The following DMD variants were observed in gnomAD, a reference collection of about 807,000 sequenced individuals.
The protein encoded by DMD is mutant dystrophin.
A neutral mutation model predicts 330.1 loss-of-function variants in DMD; 63 were observed. The observed-to-expected ratio is 0.19, with a 90% confidence interval of 0.16 to 0.24. The LOEUF (loss-of-function observed/expected upper bound fraction) is 0.24, where lower values mean the gene tolerates loss of function less well. DMD is among the 10% of genes least tolerant of loss of function. The probability of loss-of-function intolerance (pLI) is 1.00; values close to 1 mark genes in which losing one functional copy is unlikely to be tolerated. For missense variants in DMD, 3,344 were observed against 2,684.1 expected, an observed-to-expected ratio of 1.25 and a Z score of -5.43; for synonymous variants, 1,223 against 959.8, an observed-to-expected ratio of 1.27 and a Z score of -5.07.
chrX:32,926,394 C>A (rs984135517), intron 2 of DMD, among the ~76,000 whole-genome samples: 12 of 111,872 alleles, frequency 1.1e-4, no homozygotes, highest in African/African-American at 3.9e-4. Flanking sequence ...CATGTTGATT[C>A]TACAGGTGGT....
At chrX:32,547,865 C>G (rs2049132611) in intron 16 of DMD, among the ~76,000 whole-genome samples, 1 of 111,199 alleles carries the variant, frequency 9.0e-6, no homozygotes, top group African/African-American at 3.3e-5. Flanking sequence ...AGGAATCCTG[C>G]CTGATTAAGA....
intron 52 of DMD, among the ~76,000 whole-genome samples, chrX:31,711,552 T>A (rs182618674): frequency 1.8e-5 from 2 of 111,697 alleles, no homozygotes; most frequent in Non-Finnish European, 1.9e-5. Context: ...CATTCCATTA[T>A]CTTAAAATCA....
At chrX:32,734,751 G>C (rs1275021333) in intron 7 of DMD, among the ~76,000 whole-genome samples, 9 of 109,619 alleles carry the variant, frequency 8.2e-5, no homozygotes, top group Non-Finnish European at 1.5e-4. Flanking sequence ...ATTAGGTATT[G>C]ACGGGACATA....
At chrX:31,987,990 G>A (rs978082232) in intron 44 of DMD, among the ~76,000 whole-genome samples, 10 of 111,735 alleles carry the variant, frequency 8.9e-5, no homozygotes, top group African/African-American at 2.9e-4. Flanking sequence ...TATGCAATGG[G>A]ATATTATTGA....
intron 42 of DMD, among the ~76,000 whole-genome samples, chrX:32,309,699 A>G (rs5927072): frequency 0.55 from 60,388 of 109,951 alleles, 13,163 homozygotes; most frequent in South Asian, 0.8. Flanking sequence ...AACAATATAC[A>G]TTACATATAA....
intron 7 of DMD, among the ~76,000 whole-genome samples, chrX:32,770,488 C>T (rs2073487449): frequency 9.0e-6 from 1 of 111,474 alleles, no homozygotes; most frequent in Non-Finnish European, 1.9e-5. Flanking sequence ...CTTTTCTATG[C>T]TTGATGATCA....
intron 65 of DMD, 116 bp downstream of exon 65, chrX:31,209,382 A>C: frequency 1.4e-6 from 1 of 723,238 alleles, no homozygotes; most frequent in Non-Finnish European, 2.2e-6. Context: ...TTATCACAGG[A>C]AGAGCATTAG....
At chrX:33,249,024 T>C (rs769060639) in intron 1 of DMD, among the ~76,000 whole-genome samples, 5 of 113,075 alleles carry the variant, frequency 4.4e-5, no homozygotes, top group African/African-American at 6.4e-5. Flanking sequence ...GTTGTATTTA[T>C]TACTCTATGT....
intron 62 of DMD, among the ~76,000 whole-genome samples, chrX:31,321,607 A>AAAAAAAAAAAG (rs1388525572): frequency 2.2e-5 from 2 of 89,282 alleles, no homozygotes; most frequent in Non-Finnish European, 4.1e-5. Flanking sequence ...AAAAAAAAAA[A>AAAAAAAAAAAG]AAAGAAAGAA....
In DMD at chrX:31,509,931, C is replaced by T. The variant is rs143239402; in HGVS notation, c.8218-2478G>A. Among the ~76,000 whole-genome samples, 896 of 111,975 alleles carry T rather than the reference C, an allele frequency of 8.0e-3. 8 individuals carry two copies. Among genetic ancestry groups the T allele is most frequent in the African/African-American group, 0.027 (838 of 30,798 alleles). ...GTTTATATTACCAACTAAATATTGA[C>T]GGCAATTCCTGCCAAGTCTTCATAG... On this transcript the variant is annotated intron_variant, in intron 55 of 78. Coordinates refer to ENST00000357033, the MANE Select transcript of DMD (RefSeq NM_004006.3).
At chrX:32,291,470 A>G (rs979219628) in intron 42 of DMD, among the ~76,000 whole-genome samples, 1 of 112,234 alleles carries the variant, frequency 8.9e-6, no homozygotes, top group African/African-American at 3.2e-5. Flanking sequence ...CAGTCTTAAC[A>G]AAAGTTCATT....
intron 53 of DMD, among the ~76,000 whole-genome samples, chrX:31,666,531 T>G (rs1242199088): frequency 8.9e-6 from 1 of 112,295 alleles, no homozygotes; most frequent in African/African-American, 3.2e-5. Flanking sequence ...TATTCAGATA[T>G]GACCTTATTT....
intron 52 of DMD, among the ~76,000 whole-genome samples, chrX:31,723,241 G>C (rs1333107564): frequency 9.4e-6 from 1 of 106,708 alleles, no homozygotes; most frequent in Admixed American, 1.0e-4. Context: ...AGACATTCCA[G>C]GTAACTTTTG....
intron 30 of DMD, among the ~76,000 whole-genome samples, chrX:32,405,214 T>G (rs1452972569): frequency 1.8e-5 from 2 of 111,698 alleles, no homozygotes; most frequent in Non-Finnish European, 3.8e-5. Context: ...ACCTAAAGAT[T>G]TGATTTGATT....
At position 31,977,166 on chromosome X, in the gene DMD, G is replaced by A. The variant is rs1464187005; in HGVS notation, c.6439-8652C>T. ...CATTTCCTATATCACCAAGTACAGC[G>A]CTGAGCACTGCTCAGCTTAATAATT... is the stretch of plus-strand genomic sequence containing the variant. On this transcript the variant is annotated intron_variant, in intron 44 of 78. Coordinates refer to ENST00000357033, the MANE Select transcript of DMD (RefSeq NM_004006.3). 1.4e-4 allele frequency among the ~76,000 whole-genome samples: 16 copies of A among 111,657 alleles called. No homozygotes were observed. The South Asian group carries it at 4.9e-3, about 34-fold the overall frequency.
At chrX:32,375,020 C>G (rs1004931015) in intron 34 of DMD, among the ~76,000 whole-genome samples, 34 of 111,506 alleles carry the variant, frequency 3.0e-4, no homozygotes, top group African/African-American at 1.1e-3. Context: ...CAGATCTGTC[C>G]TCTCTAATAA....
At chrX:32,916,374 AAATAT>A (rs199967844) in intron 2 of DMD, among the ~76,000 whole-genome samples, 1,394 of 111,861 alleles carry the variant, frequency 0.012, 23 homozygotes, top group African/African-American at 0.043. Flanking sequence ...GGATAAGTAA[AAATAT>A]AATATAAAAT....
intron 41 of DMD, among the ~76,000 whole-genome samples, chrX:32,312,830 A>G (rs2097567830): frequency 1.9e-5 from 2 of 105,625 alleles, no homozygotes; most frequent in Non-Finnish European, 3.9e-5. Context: ...TCTAGAAAAA[A>G]TGGATAAATT....
In DMD at chrX:33,010,071, CAA is replaced by C. The variant is rs1491122964; in HGVS notation, c.93+10066_93+10067del. ...GTGTATATATACGTGTATATATACA[CAA>C]ATGTGCACATGTGTATATATACATG... On this transcript the variant is annotated intron_variant, in intron 2 of 78. Coordinates refer to ENST00000357033, the MANE Select transcript of DMD (RefSeq NM_004006.3). Among the ~76,000 whole-genome samples, 34 of 50,573 alleles carry C rather than the reference CAA, an allele frequency of 6.7e-4. 5 individuals carry two copies. Among genetic ancestry groups the C allele is most frequent in the African/African-American group, 1.6e-3 (11 of 6,857 alleles). 43.9% of individuals were successfully genotyped at this position (50,573 alleles called of 115,157 possible).
Sources: allele counts gnomAD v4.1 joint callset (sites outside exome capture counted in the v4.1 genomes callset), GRCh38; gene constraint gnomAD v4.1.1; transcripts MANE v1.5; gene names NCBI Gene and HGNC (gene_info 2026-07-23, HGNC 2026-07-21).